The following GLB1L2 variants were observed in gnomAD, a reference collection of about 807,000 sequenced individuals.
GLB1L2 encodes the protein beta-galactosidase-1-like protein 2.
GLB1L2 carries 68 observed loss-of-function variants against 84.1 expected under a neutral mutation model. The ratio of observed to expected loss-of-function variants is 0.81; its 90% confidence interval spans 0.67 to 0.99. The LOEUF is 0.99. Among genes scored for constraint, GLB1L2 ranks in the 50% least tolerant of loss-of-function variants. The pLI, the probability that GLB1L2 is intolerant of heterozygous loss-of-function variation, is 0.00. For synonymous variants in GLB1L2, 290 were observed against 318.0 expected (o/e 0.91, Z 0.94); for missense variants, 762 against 805.6 (o/e 0.95, Z 0.66).
chr11:134,361,981 G>A (rs1467836592), intron 7 of GLB1L2, among the ~76,000 whole-genome samples: 1 of 152,156 alleles, frequency 6.6e-6, no homozygotes, highest in African/African-American at 2.4e-5. Context: ...TCCGGGGAGC[G>A]GCCCAGTTAC....
chr11:134,348,475 C>T (rs573192577), intron 5 of GLB1L2, among the ~76,000 whole-genome samples: 50 of 152,272 alleles, frequency 3.3e-4, no homozygotes, highest in Admixed American at 1.2e-3. Flanking sequence ...GGAGCAGGCT[C>T]AGAGGCACTT....
intron 5 of GLB1L2, among the ~76,000 whole-genome samples, chr11:134,349,882 C>T (rs1007410906): frequency 2.0e-5 from 3 of 152,170 alleles, no homozygotes; most frequent in African/African-American, 7.2e-5. Context: ...GCAGCAGGTT[C>T]CCTTTTGGCT....
intron 1 of GLB1L2, among the ~76,000 whole-genome samples, chr11:134,342,393 C>T (rs1237983995): frequency 6.6e-6 from 1 of 152,000 alleles, no homozygotes; most frequent in Non-Finnish European, 1.5e-5. Flanking sequence ...CGCTGTCGCG[C>T]GTGGCCGCGG....
chr11:134,367,222 G>A, intron 8 of GLB1L2, 35 bp from the exon 9 acceptor site: 1 of 1,574,714 alleles, frequency 6.4e-7, no homozygotes, highest in Non-Finnish European at 8.7e-7. Flanking sequence ...TGTCTGGCCA[G>A]CCTGCTTGTC....
chr11:134,364,112 C>T (rs1943834129), intron 7 of GLB1L2, among the ~76,000 whole-genome samples: 1 of 152,132 alleles, frequency 6.6e-6, no homozygotes, highest in South Asian at 2.1e-4. Flanking sequence ...AACTCCTGGC[C>T]TCAAGTGATC....
rs183388785 is a variant in GLB1L2 at position 134,338,637 on chromosome 11, C to T, written c.87-4117C>T. Among the ~76,000 whole-genome samples, 28 of 152,306 alleles carry T rather than the reference C, an allele frequency of 1.8e-4. No homozygotes were observed. The highest frequency in any genetic ancestry group is 8.5e-4 in the Admixed American group (13 of 15,292). On this transcript the variant is annotated intron_variant, in intron 1 of 18. Transcript: ENST00000535456. The surrounding 1 kb of genome is among the most constrained non-coding windows in gnomAD (Gnocchi z 6.2). ...TCCACCTCCCCCTGCTTCCTCACCA[C>T]GGGGCACAGCAGAACTTGGTACCTA...
chr11:134,368,434 C>T (rs150438265), intron 9 of GLB1L2, among the ~76,000 whole-genome samples: 51 of 152,276 alleles, frequency 3.3e-4, no homozygotes, highest in African/African-American at 9.4e-4. Context: ...ACTGGAGGCT[C>T]GAGCTCTGGG....
chr11:134,344,686 G>A (rs1470150308), intron 3 of GLB1L2, among the ~76,000 whole-genome samples: 3 of 152,262 alleles, frequency 2.0e-5, no homozygotes, highest in African/African-American at 7.2e-5. Context: ...AGCCCAGAGG[G>A]GCAGAAGACC....
chr11:134,366,623 C>G (rs1182773918), intron 8 of GLB1L2, among the ~76,000 whole-genome samples: 1 of 152,176 alleles, frequency 6.6e-6, no homozygotes, highest in Non-Finnish European at 1.5e-5. Flanking sequence ...TTGGGGCCGT[C>G]CTATGCCAAA....
At chr11:134,354,673 C>T (rs1374752232) in intron 5 of GLB1L2, among the ~76,000 whole-genome samples, 1 of 152,058 alleles carries the variant, frequency 6.6e-6, no homozygotes, top group Non-Finnish European at 1.5e-5. Context: ...CCTTTCAGCA[C>T]TTTGACTATA....
intron 7 of GLB1L2, among the ~76,000 whole-genome samples, chr11:134,362,929 C>T (rs1318446456): frequency 6.6e-6 from 1 of 152,218 alleles, no homozygotes; most frequent in African/African-American, 2.4e-5. Flanking sequence ...TCCCTGTGTC[C>T]TTCTCAGTGT....
intron 9 of GLB1L2, among the ~76,000 whole-genome samples, chr11:134,368,301 G>C (rs1444366522): frequency 6.6e-6 from 1 of 152,174 alleles, no homozygotes; most frequent in Non-Finnish European, 1.5e-5. Context: ...TCCCATCTTT[G>C]TGCACTTGAT....
chr11:134,374,648 G>T lies in GLB1L2; in HGVS notation c.1754G>T (p.Arg585Leu). ...TTCATCAATGGCCAGAACCTTGGAC[G>T]TTACTGGAACATTGGACCCCAGAAG... The part of the protein sequence containing the change: ...VVFINGQNLG[R>L]YWNIGPQKTL... The change falls in exon 18 of 19, where the codon CGT becomes CTT. Residue 585 changes from arginine to leucine, a missense_variant. Arg to Leu is a moderately radical substitution (Grantham distance 102). Around this residue, in one of 3 missense-constraint regions of GLB1L2, gnomAD observed 603 missense variants for 611.7 expected, o/e 0.99. Coordinates refer to ENST00000535456, the MANE Select transcript of GLB1L2 (RefSeq NM_001370461.1). The T allele has an allele frequency of 6.2e-7, 1 of 1,614,078 alleles. No individual in the cohort carries two copies. Among genetic ancestry groups the T allele is most frequent in the Non-Finnish European group, 8.5e-7 (1 of 1,179,998 alleles).
At chr11:134,374,369 G>A (rs1943997498) in intron 17 of GLB1L2, 113 bp downstream of exon 17, 2 of 918,806 alleles carry the variant, frequency 2.2e-6, no homozygotes, top group South Asian at 2.9e-5. Flanking sequence ...GTGCCCAGAG[G>A]GTCTGAGAGG....
intron 1 of GLB1L2, among the ~76,000 whole-genome samples, chr11:134,332,431 C>T (rs1281888573): frequency 1.3e-5 from 2 of 152,012 alleles, no homozygotes; most frequent in Non-Finnish European, 2.9e-5. Context: ...CCGGGCTCTG[C>T]CCCCCGTGGA....
rs747280478 is a variant in GLB1L2, at chr11:134,373,134, G to A, written c.1508-587G>A. On this transcript the variant is annotated intron_variant, in intron 15 of 18. Coordinates refer to ENST00000535456, the MANE Select transcript of GLB1L2 (RefSeq NM_001370461.1). ...CCTGCAAAGCCTCTCCACAGTCCTC[G>A]GCCTCCAAATTCCCAAGCTAGCCAC... Among the ~76,000 whole-genome samples, 5 of 152,114 alleles carry A rather than the reference G, an allele frequency of 3.3e-5. No individual in the cohort carries two copies. In the East Asian group the frequency reaches 7.7e-4, roughly 24 times the overall value.
rs376225263 is a variant in GLB1L2, at chr11:134,341,968, G to T, written c.87-786G>T. Among the ~76,000 whole-genome samples the T allele has an allele frequency of 2.7e-3, 260 of 96,406 alleles. 2 individuals carry two copies. Among genetic ancestry groups the T allele is most frequent in the African/African-American group, 8.6e-3 (251 of 29,084 alleles). 63.2% of individuals were successfully genotyped at this position (96,406 alleles called of 152,430 possible). A position where few individuals can be genotyped will look rare whatever the true frequency, so the allele number is the denominator to read the frequency against. ...GCCCCGGACTCAGCCACCCAGCACC[G>T]GCTCCTGCCCCGGACTCAGCCACGC... On this transcript the variant is annotated intron_variant, in intron 1 of 18. Coordinates refer to ENST00000535456, the MANE Select transcript of GLB1L2 (RefSeq NM_001370461.1).
intron 9 of GLB1L2, among the ~76,000 whole-genome samples, chr11:134,367,793 C>T (rs1943885016): frequency 1.3e-5 from 2 of 152,196 alleles, no homozygotes; most frequent in African/African-American, 4.8e-5. Context: ...TCTGTATGAC[C>T]AAATACAGAT....
chr11:134,332,544 C>G (rs1183611248), intron 1 of GLB1L2, among the ~76,000 whole-genome samples: 2 of 152,164 alleles, frequency 1.3e-5, no homozygotes, highest in African/African-American at 4.8e-5. Context: ...CCCCAGGCCC[C>G]CCTTTTCCTC....
Sources: gnomAD v4.1 joint callset for allele counts (sites outside exome capture counted in the v4.1 genomes callset) on GRCh38, gnomAD v4.1.1 for gene constraint, gnomAD v4.1.1 regional missense constraint, Gnocchi (gnomAD v3.1) non-coding constraint, MANE v1.5 for transcripts, NCBI Gene and HGNC (gene_info 2026-07-23, HGNC 2026-07-21) for gene names.